Variants in ZDHHC21 observed in about 807,000 individuals in gnomAD.
The protein encoded by ZDHHC21 is palmitoyltransferase ZDHHC21.
A neutral mutation model predicts 34.6 loss-of-function variants in ZDHHC21; 15 were observed. The observed-to-expected ratio is 0.43, with a 90% CI of 0.29 to 0.67. The LOEUF (loss-of-function observed/expected upper bound fraction) is 0.67, where lower values mean the gene tolerates loss of function less well. Among genes scored for constraint, ZDHHC21 ranks in the 30% least tolerant of loss-of-function variants. The pLI, the probability that ZDHHC21 is intolerant of heterozygous loss-of-function variation, is 0.14. For synonymous variants in ZDHHC21, 142 were observed against 101.8 expected (o/e 1.40, Z -2.38); for missense variants, 344 against 327.7 (o/e 1.05, Z -0.38).
downstream of ZDHHC21, among the ~76,000 whole-genome samples, chr9:14,610,528 G>C (rs1051876351): frequency 1.3e-5 from 2 of 151,902 alleles, no homozygotes; most frequent in African/African-American, 4.8e-5. Flanking sequence ...AAAAAATAAA[G>C]TTAAACCTCT....
rs1441182940 is a variant in ZDHHC21, at chr9:14,611,462, CA to C, written c.*7503del. Reference sequence around the variant, plus strand: ...TCTTCAAATTCTCTTAGGGGAAAGACAAGGTAAAAATAATAGACAATGCAAG... The same window carrying C: ...TCTTCAAATTCTCTTAGGGGAAAGACAGGTAAAAATAATAGACAATGCAAG... On this transcript the variant is annotated 3_prime_UTR_variant, in exon 10 of 10. Coordinates refer to ENST00000380916, the MANE Select transcript of ZDHHC21 (RefSeq NM_178566.6). The C allele has an allele frequency of 6.6e-6, 1 of 151,858 alleles. No individual in the cohort carries two copies. Among genetic ancestry groups the C allele is most frequent in the Non-Finnish European group, 1.5e-5 (1 of 67,910 alleles). 9.4% of individuals were successfully genotyped at this position (151,858 alleles called of 1,614,324 possible).
At chr9:14,605,758 AAT>A in the ZDHHC21 span, among the ~76,000 whole-genome samples, 1 of 152,182 alleles carries the variant, frequency 6.6e-6, no homozygotes, top group Non-Finnish European at 1.5e-5. Flanking sequence ...AGAAGTCAAC[AAT>A]GTTATGAAGA....
At chr9:14,686,053 C>A (rs373442205) in intron 2 of ZDHHC21, among the ~76,000 whole-genome samples, 1 of 137,384 alleles carries the variant, frequency 7.3e-6, no homozygotes, top group Admixed American at 7.5e-5. Flanking sequence ...CGGGGCCTGT[C>A]GTGGGGTGGG....
chr9:14,683,885 G>C (rs1288149119), intron 2 of ZDHHC21, among the ~76,000 whole-genome samples: 1 of 152,180 alleles, frequency 6.6e-6, no homozygotes, highest in African/African-American at 2.4e-5. Flanking sequence ...TAGGATGCAA[G>C]GCTGGTTCAA....
At chr9:14,622,410 G>T (rs927766621) in intron 8 of ZDHHC21, 1 of 338,978 alleles carries the variant, frequency 3.0e-6, no homozygotes, top group Non-Finnish European at 4.2e-6. Context: ...CCTGGAATGG[G>T]GGGGCGGGGA....
chr9:14,664,487 C>T (rs1297299263), intron 5 of ZDHHC21, among the ~76,000 whole-genome samples: 3 of 151,846 alleles, frequency 2.0e-5, no homozygotes, highest in Non-Finnish European at 2.9e-5. Flanking sequence ...CCGGGAAGCT[C>T]GAACTGGCTG....
At chr9:14,639,099 A>G (rs2133692347) in intron 8 of ZDHHC21, among the ~76,000 whole-genome samples, 1 of 152,270 alleles carries the variant, frequency 6.6e-6, no homozygotes, top group South Asian at 2.1e-4. Flanking sequence ...AGGATAGGAA[A>G]TCAACCTAAG....
chr9:14,623,011 C>T (rs1314770664), intron 8 of ZDHHC21, among the ~76,000 whole-genome samples: 2 of 152,042 alleles, frequency 1.3e-5, no homozygotes, highest in Admixed American at 1.3e-4. Flanking sequence ...CTGTTCTATA[C>T]ACACAATCTA....
chr9:14,683,833 C>T (rs534125695), intron 2 of ZDHHC21: 2 of 152,266 alleles, frequency 1.3e-5, no homozygotes, highest in South Asian at 2.1e-4. Context: ...TCCAGCAGCA[C>T]ATCAAAAAGC....
intron 6 of ZDHHC21, among the ~76,000 whole-genome samples, chr9:14,661,168 T>C (rs1276436627): frequency 5.9e-5 from 9 of 152,188 alleles, no homozygotes; most frequent in African/African-American, 1.9e-4. Context: ...CAAAATGCTT[T>C]TATCGAAAAT....
At chr9:14,677,584 T>C (rs572709466) in intron 3 of ZDHHC21, 2 of 152,188 alleles carry the variant, frequency 1.3e-5, no homozygotes, top group East Asian at 1.9e-4. Context: ...TACTAATTTG[T>C]ATATTAAATG....
intron 7 of ZDHHC21, among the ~76,000 whole-genome samples, chr9:14,651,790 G>C (rs1460995490): frequency 6.6e-6 from 1 of 151,774 alleles, no homozygotes; most frequent in Non-Finnish European, 1.5e-5. Flanking sequence ...CAAATGACTA[G>C]GCATCTGCTT....
intron 2 of ZDHHC21, among the ~76,000 whole-genome samples, chr9:14,685,678 ATT>A (rs1278212213): frequency 6.6e-6 from 1 of 152,244 alleles, no homozygotes; most frequent in African/African-American, 2.4e-5. Flanking sequence ...TAGAAATACC[ATT>A]TGACCCAGCC....
chr9:14,629,371 C>G (rs969287422), intron 8 of ZDHHC21, among the ~76,000 whole-genome samples: 1 of 152,076 alleles, frequency 6.6e-6, no homozygotes, highest in African/African-American at 2.4e-5. Context: ...TGAGAATTAA[C>G]ATGTTGATAG....
At chr9:14,606,422 T>C (rs905825802), downstream of ZDHHC21, among the ~76,000 whole-genome samples, 2 of 152,200 alleles carry the variant, frequency 1.3e-5, no homozygotes, top group African/African-American at 4.8e-5. Context: ...TTCTGGATGA[T>C]AACCCAAGCT....
the ZDHHC21 span, among the ~76,000 whole-genome samples, chr9:14,596,907 C>T: frequency 6.6e-6 from 1 of 152,130 alleles, no homozygotes; most frequent in Non-Finnish European, 1.5e-5. Context: ...CAGAGAACTT[C>T]TGAGGCATGG....
At chr9:14,683,632 G>C (rs1411375685) in intron 2 of ZDHHC21, 1 of 152,190 alleles carries the variant, frequency 6.6e-6, no homozygotes, top group Non-Finnish European at 1.5e-5. Context: ...ACAAGGAGGA[G>C]CTGGTACCAT....
chr9:14,672,834 A>T lies in ZDHHC21; in HGVS notation c.249T>A (p.His83Gln). ...GATAAATCCAGAGTACCATACCTCC[A>T]TGTGGGATCTTGGGGTTCTCAGGGA... The part of the protein sequence containing the change: ...GRLPENPKIP[H>Q]GEREFWELCN... Residue 83 changes from histidine to glutamine, a missense_variant, in exon 5 of 10, where the codon CAT becomes CAA. Coordinates refer to ENST00000380916, the MANE Select transcript of ZDHHC21 (RefSeq NM_178566.6). 2 of 1,604,686 alleles carry T rather than the reference A, an allele frequency of 1.2e-6. No individual in the cohort carries two copies. Among genetic ancestry groups the T allele is most frequent in the Non-Finnish European group, 1.7e-6 (2 of 1,173,598 alleles).
the ZDHHC21 span, among the ~76,000 whole-genome samples, chr9:14,596,495 T>TC: frequency 6.6e-6 from 1 of 152,144 alleles, no homozygotes; most frequent in African/African-American, 2.4e-5. Flanking sequence ...TGGCCACCTC[T>TC]CCAAGAGCAG....
Sources: gnomAD v4.1 joint callset for allele counts (sites outside exome capture counted in the v4.1 genomes callset) on GRCh38, gnomAD v4.1.1 for gene constraint, MANE v1.5 for transcripts, NCBI Gene and HGNC (gene_info 2026-07-23, HGNC 2026-07-21) for gene names.